The following FRMPD4 variants were observed in gnomAD, a reference collection of about 807,000 sequenced individuals.
FRMPD4 encodes the protein FERM and PDZ domain containing 4.
Under a neutral mutation model 94.1 loss-of-function variants are expected in FRMPD4, and 22 were observed. The observed-to-expected ratio is 0.23, with a 90% CI of 0.17 to 0.33. The LOEUF (loss-of-function observed/expected upper bound fraction) is 0.33, where lower values mean the gene tolerates loss of function less well. FRMPD4 is among the 10% of genes least tolerant of loss of function. FRMPD4 has a pLI of 1.00. For synonymous variants in FRMPD4, 631 were observed against 548.6 expected (o/e 1.15, Z -2.10); for missense variants, 1,111 against 1,339.9 (o/e 0.83, Z 2.67).
At chrX:12,715,392 A>G (rs2042060407) in intron 14 of FRMPD4, among the ~76,000 whole-genome samples, 1 of 111,903 alleles carries the variant, frequency 8.9e-6, no homozygotes, top group African/African-American at 3.2e-5. Flanking sequence ...ACCTGTGACC[A>G]TGCCACCTTA....
rs187042930 is a variant in FRMPD4 at position 12,089,150 on chromosome X, T to C, written c.95+211132T>C. ...TAATTGTAATCATTCATTTTCATTTTGGTGTCACATTTCATTAAAAGAATA... is the reference window on the plus strand; with the variant it reads ...TAATTGTAATCATTCATTTTCATTTCGGTGTCACATTTCATTAAAAGAATA... On this transcript the variant is annotated intron_variant, in intron 3 of 18. Coordinates refer to the FRMPD4 transcript ENST00000640291. Among the ~76,000 whole-genome samples, 17 of 112,587 alleles carry C rather than the reference T, an allele frequency of 1.5e-4. 1 individual carries two copies. In the East Asian group the frequency reaches 4.2e-3, roughly 28 times the overall value.
intron 3 of FRMPD4, among the ~76,000 whole-genome samples, chrX:11,921,409 A>T (rs1445619143): frequency 6.3e-5 from 7 of 110,630 alleles, no homozygotes; most frequent in Non-Finnish European, 1.3e-4. Context: ...TTCATTTAAC[A>T]TTAATTACCC....
At chrX:12,587,134 G>A (rs760669747) in intron 2 of FRMPD4, among the ~76,000 whole-genome samples, 2 of 109,985 alleles carry the variant, frequency 1.8e-5, no homozygotes, top group Non-Finnish European at 3.8e-5. Context: ...GCGCCACCAC[G>A]CCTATCTAAT....
chrX:12,187,379 T>C (rs1313448062), intron 1 of FRMPD4, among the ~76,000 whole-genome samples: 1 of 112,195 alleles, frequency 8.9e-6, no homozygotes, highest in African/African-American at 3.2e-5. Context: ...TGAGTTTTTT[T>C]CCATCAGAAC....
intron 1 of FRMPD4, among the ~76,000 whole-genome samples, chrX:12,305,724 A>AGTTTTTTTTTGTTT: frequency 2.3e-5 from 1 of 44,248 alleles, no homozygotes; most frequent in African/African-American, 1.3e-4. Flanking sequence ...CAGCTGGCTA[A>AGTTTTTTTTTGTTT]GTTTTTTTTT....
intron 3 of FRMPD4, among the ~76,000 whole-genome samples, chrX:12,070,865 G>A (rs2054961423): frequency 8.9e-6 from 1 of 112,357 alleles, no homozygotes; most frequent in African/African-American, 3.2e-5. Context: ...AAGCCTTCAA[G>A]CTTCCTGGAC....
chrX:11,860,302 C>A (rs775348469), intron 1 of FRMPD4, among the ~76,000 whole-genome samples: 3 of 111,999 alleles, frequency 2.7e-5, no homozygotes, highest in African/African-American at 6.5e-5. Context: ...GATTGACATG[C>A]AAGAAGCCGA....
intron 1 of FRMPD4, among the ~76,000 whole-genome samples, chrX:12,301,459 T>A (rs5978512): frequency 1.8e-5 from 2 of 110,710 alleles, no homozygotes; most frequent in South Asian, 7.8e-4. Flanking sequence ...GCTCTGCTCC[T>A]TGTCTCACAC....
At chrX:12,702,907 G>A (rs183809912) in intron 10 of FRMPD4, among the ~76,000 whole-genome samples, 2 of 112,464 alleles carry the variant, frequency 1.8e-5, no homozygotes, top group East Asian at 2.8e-4. Context: ...AAGAGATCTC[G>A]TGCTCAGCTG....
chrX:12,665,185 G>A (rs2059762585), intron 4 of FRMPD4, among the ~76,000 whole-genome samples: 1 of 111,763 alleles, frequency 8.9e-6, no homozygotes, highest in African/African-American at 3.3e-5. Flanking sequence ...GCTCACGCCT[G>A]TAATCCCAGC....
chrX:12,405,708 A>G (rs2056658965), intron 1 of FRMPD4, among the ~76,000 whole-genome samples: 1 of 111,681 alleles, frequency 9.0e-6, no homozygotes, highest in South Asian at 3.8e-4. Flanking sequence ...TCTGGAATTA[A>G]TATATTAGTG....
At chrX:12,560,936 A>AT (rs1209702748) in intron 2 of FRMPD4, among the ~76,000 whole-genome samples, 1 of 96,234 alleles carries the variant, frequency 1.0e-5, no homozygotes, top group Non-Finnish European at 2.1e-5. Flanking sequence ...CGCCCGGCTA[A>AT]TTTTTTGTAT....
intron 4 of FRMPD4, among the ~76,000 whole-genome samples, chrX:12,669,555 G>A (rs1261330511): frequency 5.4e-5 from 6 of 112,045 alleles, no homozygotes; most frequent in South Asian, 3.8e-4. Context: ...GTCTATGGTC[G>A]GCAGAATAAT....
chrX:12,719,955 T>C (rs766669147), intron 16 of FRMPD4, among the ~76,000 whole-genome samples: 1 of 105,197 alleles, frequency 9.5e-6, no homozygotes, highest in South Asian at 4.2e-4. Flanking sequence ...TAATTTGCAC[T>C]AATTAAATTA....
intron 3 of FRMPD4, among the ~76,000 whole-genome samples, chrX:11,991,436 C>G (rs1226629482): frequency 1.3e-4 from 14 of 111,956 alleles, no homozygotes; most frequent in Non-Finnish European, 1.9e-5. Flanking sequence ...GATTCCACAC[C>G]TTTGAACTTA....
rs5901464 is a variant in FRMPD4, at chrX:12,199,237, ATGTGTGTGTGTGTGTGTGTGTG to A, written c.41+60237_41+60258del. ...GACAATTTAAATGTTAGAAAGGAAA[ATGTGTGTGTGTGTGTGTGTGTG>A]TGTGTGTGTGTATGTGTGTGTGTGT... On this transcript the variant is annotated intron_variant, in intron 1 of 16. Coordinates refer to ENST00000675598, the MANE Select transcript of FRMPD4 (RefSeq NM_001368397.1). Among the ~76,000 whole-genome samples, 10 of 91,278 alleles carry A rather than the reference ATGTGTGTGTGTGTGTGTGTGTG, an allele frequency of 1.1e-4. No individual in the cohort carries two copies. In the South Asian group the frequency reaches 3.7e-3, roughly 34 times the overall value. 79.3% of individuals were successfully genotyped at this position (91,278 alleles called of 115,157 possible).
intron 1 of FRMPD4, among the ~76,000 whole-genome samples, chrX:12,332,153 T>C (rs2055434363): frequency 1.2e-5 from 1 of 86,945 alleles, no homozygotes; most frequent in East Asian, 3.3e-4. Context: ...TTATATTTTA[T>C]ATATAATTTA....
At chrX:12,641,126 C>G (rs1189170331) in intron 4 of FRMPD4, among the ~76,000 whole-genome samples, 2 of 110,997 alleles carry the variant, frequency 1.8e-5, no homozygotes, top group African/African-American at 6.6e-5. Flanking sequence ...AGAAACTGAC[C>G]CTGAAATGAA....
intron 1 of FRMPD4, among the ~76,000 whole-genome samples, chrX:12,368,621 G>C (rs2056118812): frequency 9.0e-6 from 1 of 110,988 alleles, no homozygotes; most frequent in Non-Finnish European, 1.9e-5. Flanking sequence ...GCTCACGCCT[G>C]TAATCCTAGC....
Sources: allele counts gnomAD v4.1 joint callset (sites outside exome capture counted in the v4.1 genomes callset), GRCh38; gene constraint gnomAD v4.1.1; transcripts MANE v1.5; gene names NCBI Gene and HGNC (gene_info 2026-07-23, HGNC 2026-07-21).